LHFPL6: variants seen among roughly 807,000 people sequenced by gnomAD.
LHFPL6 encodes LHFPL tetraspan subfamily member 6 protein.
Under a neutral mutation model 20.6 loss-of-function variants are expected in LHFPL6, and 9 were observed. The observed-to-expected ratio is 0.44, with a 90% CI of 0.26 to 0.76. The LOEUF is 0.76. Among genes scored for constraint, LHFPL6 ranks in the 30% least tolerant of loss-of-function variants. LHFPL6 has a pLI of 0.20. For missense variants in LHFPL6, 218 were observed against 253.5 expected (o/e 0.86, Z 0.95); for synonymous variants, 105 against 98.7 (o/e 1.06, Z -0.38).
chr13:39,562,695 CATATAT>C (rs146575323), intron 2 of LHFPL6, among the ~76,000 whole-genome samples: 1 of 146,388 alleles, frequency 6.8e-6, no homozygotes, highest in Non-Finnish European at 1.5e-5. Context: ...CACACACACA[CATATAT>C]ATATATACAC....
At chr13:39,418,233 A>T (rs1482169540) in intron 2 of LHFPL6, among the ~76,000 whole-genome samples, 1 of 152,130 alleles carries the variant, frequency 6.6e-6, no homozygotes. Context: ...TTTACATGGG[A>T]TTTGAAAAAA....
At chr13:39,508,020 A>C (rs1869550236) in intron 2 of LHFPL6, among the ~76,000 whole-genome samples, 3 of 131,136 alleles carry the variant, frequency 2.3e-5, no homozygotes, top group African/African-American at 2.9e-5. Context: ...ATTAAGTTGT[A>C]ATTTACTTTT....
chr13:39,464,715 T>TC (rs895395511), intron 2 of LHFPL6, among the ~76,000 whole-genome samples: 4 of 148,718 alleles, frequency 2.7e-5, no homozygotes, highest in Admixed American at 6.6e-5. Context: ...TTTTTTTTTT[T>TC]TGTCTGACCT....
chr13:39,458,417 C>T (rs762248135), intron 2 of LHFPL6, among the ~76,000 whole-genome samples: 3 of 152,122 alleles, frequency 2.0e-5, no homozygotes, highest in Non-Finnish European at 4.4e-5. Context: ...AGCAAGCAAG[C>T]CAGGCGCGGT....
chr13:39,565,799 C>T (rs1236263661), intron 2 of LHFPL6, among the ~76,000 whole-genome samples: 1 of 152,206 alleles, frequency 6.6e-6, no homozygotes, highest in African/African-American at 2.4e-5. Context: ...GTGCTGTTGA[C>T]TCACTGCCTC....
At chr13:39,382,500 C>G (rs986384812) in intron 2 of LHFPL6, among the ~76,000 whole-genome samples, 1 of 152,054 alleles carries the variant, frequency 6.6e-6, no homozygotes, top group African/African-American at 2.4e-5. Context: ...AGTGATTCTC[C>G]TGCCTCAGCC....
intron 3 of LHFPL6, among the ~76,000 whole-genome samples, chr13:39,345,512 CAAAAAAAA>C (rs71077225): frequency 1.7e-3 from 76 of 43,454 alleles, no homozygotes; most frequent in East Asian, 8.9e-3. Context: ...GACTCCATCT[CAAAAAAAA>C]AAAAAAAAAA....
Position 39,343,554 on chromosome 13 carries a change from T to TA in LHFPL6, c.*381dup, listed in dbSNP as rs878915860. On this transcript the variant is annotated 3_prime_UTR_variant, in exon 4 of 4. Transcript: ENST00000379589. ...CCTTTGATTTTCTGAGTCCTCACCT[T>TA]AAAAAAAAAAAACTAAAACCCAAAC... The TA allele has an allele frequency of 0.11, 21,021 of 194,798 alleles. 32 individuals are homozygous for TA. Among genetic ancestry groups the TA allele is most frequent in the Middle Eastern group, 0.25 (158 of 638 alleles). 12.1% of individuals were successfully genotyped at this position (194,798 alleles called of 1,614,324 possible).
rs1028562267 is a variant in LHFPL6 at position 39,574,775 on chromosome 13, T to G, written c.385+26057A>C. Among the ~76,000 whole-genome samples, 8 of 151,872 alleles carry G rather than the reference T, an allele frequency of 5.3e-5. No homozygotes were observed. The East Asian group carries it at 1.4e-3, about 26-fold the overall frequency. On this transcript the variant is annotated intron_variant, in intron 2 of 3. Coordinates refer to ENST00000379589, the MANE Select transcript of LHFPL6 (RefSeq NM_005780.3). ...AGAATGAGGCAGTGTGATTCCTTCATCAAAAAACAGGTGGGGCCAGGAGTG... is the reference window on the plus strand; with the variant it reads ...AGAATGAGGCAGTGTGATTCCTTCAGCAAAAAACAGGTGGGGCCAGGAGTG...
chr13:39,431,334 G>T (rs188129803), intron 2 of LHFPL6, among the ~76,000 whole-genome samples: 4 of 152,000 alleles, frequency 2.6e-5, no homozygotes, highest in African/African-American at 7.3e-5. Flanking sequence ...ACATCTGAAG[G>T]AACAAACTCC....
intron 2 of LHFPL6, among the ~76,000 whole-genome samples, chr13:39,491,162 C>T (rs1450134929): frequency 6.6e-6 from 1 of 152,098 alleles, no homozygotes; most frequent in Non-Finnish European, 1.5e-5. Flanking sequence ...AAATGTGAAG[C>T]AATGATGCCA....
intron 2 of LHFPL6, among the ~76,000 whole-genome samples, chr13:39,420,084 A>T (rs1871442458): frequency 6.6e-6 from 1 of 152,182 alleles, no homozygotes; most frequent in Non-Finnish European, 1.5e-5. Flanking sequence ...CTTTACGCTA[A>T]CAGGCAAGCC....
chr13:39,537,123 G>T (rs1038646713), intron 2 of LHFPL6, among the ~76,000 whole-genome samples: 3 of 152,146 alleles, frequency 2.0e-5, no homozygotes, highest in African/African-American at 7.2e-5. Context: ...ATGGTTCTCT[G>T]TTTGCAGTGT....
At chr13:39,572,156 T>C (rs1416533222) in intron 2 of LHFPL6, among the ~76,000 whole-genome samples, 2 of 152,224 alleles carry the variant, frequency 1.3e-5, no homozygotes, top group Non-Finnish European at 2.9e-5. Context: ...GATAGCAACG[T>C]AGTAAGCTTT....
intron 2 of LHFPL6, among the ~76,000 whole-genome samples, chr13:39,458,781 A>G (rs1480351283): frequency 2.0e-5 from 3 of 149,172 alleles, no homozygotes; most frequent in Non-Finnish European, 4.5e-5. Context: ...ATGAGGAAAG[A>G]AAAAAAAAAG....
chr13:39,371,087 G>C (rs142144894), intron 3 of LHFPL6, among the ~76,000 whole-genome samples: 2 of 152,218 alleles, frequency 1.3e-5, no homozygotes, highest in African/African-American at 4.8e-5. Flanking sequence ...ATTGAAAATT[G>C]GAAGAAACAG....
chr13:39,581,623 C>T (rs1872289696), intron 2 of LHFPL6, among the ~76,000 whole-genome samples: 1 of 147,376 alleles, frequency 6.8e-6, no homozygotes, highest in Non-Finnish European at 1.5e-5. Context: ...ACTACATGGT[C>T]ACTTCTAGAT....
intron 3 of LHFPL6, among the ~76,000 whole-genome samples, chr13:39,357,345 C>A (rs553169546): frequency 6.6e-6 from 1 of 152,220 alleles, no homozygotes; most frequent in South Asian, 2.1e-4. Context: ...AAGGAACACA[C>A]CTCAAAATAA....
chr13:39,465,398 G>C (rs763151799), intron 2 of LHFPL6, among the ~76,000 whole-genome samples: 2 of 152,118 alleles, frequency 1.3e-5, no homozygotes, highest in Non-Finnish European at 2.9e-5. Flanking sequence ...GCCTGTCTCT[G>C]TGACCTCCAA....
Sources: gnomAD v4.1 joint callset for allele counts (sites outside exome capture counted in the v4.1 genomes callset) on GRCh38, gnomAD v4.1.1 for gene constraint, MANE v1.5 for transcripts, NCBI Gene and HGNC (gene_info 2026-07-23, HGNC 2026-07-21) for gene names.